Variants in USP4 observed in about 807,000 individuals in gnomAD.
USP4 encodes ubiquitin specific peptidase 4.
A neutral mutation model predicts 118.2 loss-of-function variants in USP4; 72 were observed. The ratio of observed to expected loss-of-function variants is 0.61; its 90% CI spans 0.50 to 0.74. USP4 has a LOEUF of 0.74. USP4 is among the 30% of genes least tolerant of loss of function. The pLI, the probability that USP4 is intolerant of heterozygous loss-of-function variation, is 0.00. For missense variants in USP4, 1,037 were observed against 1,185.7 expected (o/e 0.87, Z 1.84); for synonymous variants, 415 against 440.4 (o/e 0.94, Z 0.72).
chr3:49,321,715 C>T (rs1162898895), intron 6 of USP4, among the ~76,000 whole-genome samples: 3 of 151,314 alleles, frequency 2.0e-5, no homozygotes, highest in African/African-American at 4.9e-5. Context: ...TTTTTTTGGC[C>T]GGGCGCCGTG....
intron 13 of USP4, among the ~76,000 whole-genome samples, chr3:49,295,018 G>A (rs369630322): frequency 7.2e-5 from 11 of 152,242 alleles, no homozygotes; most frequent in African/African-American, 2.2e-4. Context: ...GGCTGGGCGC[G>A]GTGGCTCACG....
chr3:49,291,404 A>G (rs1174645780), intron 15 of USP4, among the ~76,000 whole-genome samples: 2 of 150,410 alleles, frequency 1.3e-5, no homozygotes, highest in Non-Finnish European at 3.0e-5. Flanking sequence ...GTGAAAACCC[A>G]TCTCTACTAA....
chr3:49,333,052 CAA>C (rs899761586), intron 2 of USP4, among the ~76,000 whole-genome samples: 4 of 104,500 alleles, frequency 3.8e-5, no homozygotes, highest in Admixed American at 1.0e-4. Flanking sequence ...CACCTTGTCT[CAA>C]AAAAAAAAAT....
Position 49,298,594 on chromosome 3 carries a change from C to T in USP4, c.1554G>A (p.Leu518=). The stretch of plus-strand genomic sequence containing the variant: ...CAGACAGCCTGGAGAGAGCCTCGCA[C>T]AGGTCGGACACAGCCCCCATCAGCG... ...TVPLMGAVSD[L]CEALSRLSGI... Residue 518 remains leucine, a synonymous_variant, in exon 12 of 22, where the codon CTG becomes CTA. Transcript: ENST00000265560. 1.2e-6 allele frequency: 2 copies of T among 1,614,194 alleles called. No individual in the cohort carries two copies. Among genetic ancestry groups the T allele is most frequent in the Non-Finnish European group, 1.7e-6 (2 of 1,180,026 alleles).
intron 15 of USP4, among the ~76,000 whole-genome samples, chr3:49,287,119 T>C (rs1575601570): frequency 6.6e-6 from 1 of 152,124 alleles, no homozygotes; most frequent in Non-Finnish European, 1.5e-5. Context: ...CCCAAAGTGC[T>C]AGGATTACAG....
intron 2 of USP4, among the ~76,000 whole-genome samples, chr3:49,332,896 TGTG>T (rs1180151701): frequency 6.7e-6 from 1 of 149,884 alleles, no homozygotes; most frequent in Non-Finnish European, 1.5e-5. Context: ...ATTAGTCGAG[TGTG>T]GTGGGGCCTG....
intron 1 of USP4, among the ~76,000 whole-genome samples, chr3:49,337,164 G>A (rs889591153): frequency 6.6e-6 from 1 of 152,022 alleles, no homozygotes; most frequent in African/African-American, 2.4e-5. Flanking sequence ...TGTAGTCCCA[G>A]CTGCTCGGGA....
In USP4 at chr3:49,334,331, T is replaced by C. The variant is rs1302929765; in HGVS notation, c.229+1138A>G. Among the ~76,000 whole-genome samples the C allele has an allele frequency of 6.6e-5, 10 of 152,360 alleles. No individual in the cohort carries two copies. In the South Asian group the frequency reaches 2.1e-3, roughly 32 times the overall value. ...ACAAAATGTGAACATAATGAAATGATTCCTTAGGGCAACTTCGTGGCATAG... is the reference window on the plus strand; with the variant it reads ...ACAAAATGTGAACATAATGAAATGACTCCTTAGGGCAACTTCGTGGCATAG... On this transcript the variant is annotated intron_variant, in intron 2 of 21. Coordinates refer to ENST00000265560, the MANE Select transcript of USP4 (RefSeq NM_003363.4).
chr3:49,324,127 T>A (rs1323450247), intron 6 of USP4, among the ~76,000 whole-genome samples: 1 of 151,972 alleles, frequency 6.6e-6, no homozygotes, highest in Non-Finnish European at 1.5e-5. Flanking sequence ...GCCTCCCGAG[T>A]AGCTGAGATT....
intron 1 of USP4, 98 bp from the exon 2 acceptor site, chr3:49,335,694 A>G: frequency 7.1e-7 from 1 of 1,405,198 alleles, no homozygotes; most frequent in East Asian, 2.3e-5. Context: ...CACTTGGGGC[A>G]TATGCAATAC....
At chr3:49,326,330 T>A (rs561550292) in intron 3 of USP4, among the ~76,000 whole-genome samples, 119 of 151,774 alleles carry the variant, frequency 7.8e-4, no homozygotes, top group African/African-American at 2.7e-3. Flanking sequence ...CAAAAAAATA[T>A]ATATATATTT....
rs753194370 is a variant in USP4, at chr3:49,302,520, G to A, written c.1151C>T (p.Pro384Leu). 2 of 1,613,968 alleles carry A rather than the reference G, an allele frequency of 1.2e-6. No homozygotes were observed. The highest frequency in any genetic ancestry group is 4.5e-5 in the East Asian group (2 of 44,878). ...TTGTTGCTGGTAGCCAGAAAATTGA[G>A]GAGCAAAACGTCCTACTTGAGTCTA... ...MFKTQVGRFA[P>L]QFSGYQQQDS... is the part of the protein sequence containing the mutation. Residue 384 changes from proline to leucine, a missense_variant, in exon 10 of 22, where the codon CCT becomes CTT. This residue lies in a region of USP4 where 487 missense variants were observed against 534.1 expected (regional missense o/e 0.91). Coordinates refer to ENST00000265560, the MANE Select transcript of USP4 (RefSeq NM_003363.4).
At position 49,280,748 on chromosome 3, in the gene USP4, G is replaced by T; in HGVS notation, c.2640C>A (p.Gly880=). 6.2e-7 allele frequency: 1 copy of T among 1,613,690 alleles called. No individual in the cohort carries two copies. Among genetic ancestry groups the T allele is most frequent in the Non-Finnish European group, 8.5e-7 (1 of 1,179,696 alleles). The change falls in exon 20 of 22, where the codon GGC becomes GGA. Residue 880 remains glycine, a synonymous_variant. Transcript: ENST00000265560. Reference sequence around the variant, plus strand: ...GAAGCAGATGTCAATACTTACAGTGGCCAACCCCCATGGCTCCATAATGAT... The same window carrying T: ...GAAGCAGATGTCAATACTTACAGTGTCCAACCCCCATGGCTCCATAATGAT... ...VSNHYGAMGV[G]HYTAYAKNKL...
chr3:49,306,709 GCCCATGAGAAGCCAAATCACA>G (rs1276366518), intron 8 of USP4, among the ~76,000 whole-genome samples: 6 of 152,084 alleles, frequency 3.9e-5, no homozygotes, highest in Admixed American at 3.9e-4. Context: ...GGAAAAACTT[GCCCATGAGAAGCCAAATCACA>G]CCTCTTCTTC....
At chr3:49,315,715 G>A (rs569049371) in intron 6 of USP4, among the ~76,000 whole-genome samples, 2 of 152,250 alleles carry the variant, frequency 1.3e-5, no homozygotes, top group African/African-American at 4.8e-5. Context: ...GGCATGTCAC[G>A]TGATTATCAA....
chr3:49,281,289 T>C (rs2047021080), intron 19 of USP4, among the ~76,000 whole-genome samples: 1 of 151,552 alleles, frequency 6.6e-6, no homozygotes. Context: ...ACCCTGTCTC[T>C]ACTAAAAAAT....
chr3:49,280,958 C>A (rs2047017149), intron 19 of USP4, 111 bp from the exon 20 acceptor site: 9 of 766,340 alleles, frequency 1.2e-5, no homozygotes, highest in African/African-American at 1.7e-5. Context: ...GGGAGGCACT[C>A]AAACTATTCG....
intron 6 of USP4, among the ~76,000 whole-genome samples, chr3:49,314,466 C>T (rs1002828862): frequency 1.3e-5 from 2 of 152,184 alleles, no homozygotes; most frequent in African/African-American, 4.8e-5. Flanking sequence ...TCTCATTCAC[C>T]ACATGGGAGA....
intron 6 of USP4, chr3:49,317,324 C>A (rs747919747): frequency 1.2e-5 from 16 of 1,338,102 alleles, no homozygotes; most frequent in Admixed American, 1.9e-5. Context: ...AGCTGCCTCA[C>A]CTCATTCTGC....
Sources: allele counts gnomAD v4.1 joint callset (sites outside exome capture counted in the v4.1 genomes callset), GRCh38; gene constraint gnomAD v4.1.1; regional missense constraint gnomAD v4.1.1; transcripts MANE v1.5; gene names NCBI Gene and HGNC (gene_info 2026-07-23, HGNC 2026-07-21).